METAP1: variants seen among roughly 807,000 people sequenced by gnomAD.
METAP1 encodes methionyl aminopeptidase 1.
In METAP1, 28 loss-of-function variants were observed where a neutral mutation model predicts 53.8. The observed-to-expected ratio is 0.52, with a 90% CI of 0.39 to 0.71. The LOEUF is 0.71. METAP1 is among the 30% of genes least tolerant of loss of function. METAP1 has a pLI of 0.00. For missense variants in METAP1, 389 were observed against 479.8 expected (o/e 0.81, Z 1.77); for synonymous variants, 181 against 165.7 (o/e 1.09, Z -0.71).
intron 1 of METAP1, among the ~76,000 whole-genome samples, chr4:99,025,085 G>C (rs916423099): frequency 1.3e-5 from 2 of 152,332 alleles, no homozygotes; most frequent in South Asian, 2.1e-4. Context: ...CCGGTAATGC[G>C]GTAATAATGC....
Position 99,057,757 on chromosome 4 carries a change from T to C in METAP1, c.936T>C (p.Asn312=), listed in dbSNP as rs770336059. ...TAPNVPHYAK[N]KAVGVMKSGH... Reference sequence around the variant, plus strand: ...GATTTTTTTCTTTGATTTCAGAAAATAAAGCAGTTGGAGTGATGAAGTCGG... The same window carrying C: ...GATTTTTTTCTTTGATTTCAGAAAACAAAGCAGTTGGAGTGATGAAGTCGG... Residue 312 remains asparagine (N), a synonymous_variant, in exon 10 of 11, where the codon AAT becomes AAC. Transcript: ENST00000296411. 1.3e-6 allele frequency: 2 copies of C among 1,585,408 alleles called. No homozygotes were observed. Among genetic ancestry groups the C allele is most frequent in the Non-Finnish European group, 8.6e-7 (1 of 1,164,952 alleles).
At chr4:99,003,365 A>G (rs1309832083) in intron 1 of METAP1, among the ~76,000 whole-genome samples, 23 of 152,210 alleles carry the variant, frequency 1.5e-4, no homozygotes, top group Admixed American at 1.5e-3. Context: ...CTTATCCAGC[A>G]AGTTACAGGC....
chr4:99,051,046 G>A lies in METAP1; in HGVS notation c.931+2170G>A, dbSNP rs540631512. Among the ~76,000 whole-genome samples the A allele has an allele frequency of 3.3e-5, 5 of 152,298 alleles. No individual in the cohort carries two copies. In the South Asian group the frequency reaches 1.0e-3, roughly 32 times the overall value. On this transcript the variant is annotated intron_variant, in intron 9 of 10. Transcript: ENST00000296411. ...ACTTCATTCCTTCCTTTTATACCCT[G>A]TAATCATCTGAATATGCATTCCCTT...
intron 1 of METAP1, among the ~76,000 whole-genome samples, chr4:98,998,378 C>G (rs1722738561): frequency 6.6e-6 from 1 of 152,126 alleles, no homozygotes; most frequent in South Asian, 2.1e-4. Context: ...CAAAAATTAG[C>G]TGGGCGTGGT....
chr4:99,052,597 A>G (rs146465441), intron 9 of METAP1, among the ~76,000 whole-genome samples: 1 of 152,292 alleles, frequency 6.6e-6, no homozygotes, highest in Non-Finnish European at 1.5e-5. Flanking sequence ...AGGTGGTGCT[A>G]AACCATTCAT....
chr4:99,055,252 A>G (rs1727018677), intron 9 of METAP1, among the ~76,000 whole-genome samples: 2 of 152,054 alleles, frequency 1.3e-5, no homozygotes, highest in South Asian at 2.1e-4. Context: ...TTAGCCGGCC[A>G]TGGTGCATGC....
intron 4 of METAP1, chr4:99,039,070 A>G (rs1349990681): frequency 5.1e-6 from 1 of 195,590 alleles, no homozygotes; most frequent in Non-Finnish European, 1.0e-5. Flanking sequence ...TCAAATGTAT[A>G]TCATTTACTG....
intron 1 of METAP1, among the ~76,000 whole-genome samples, chr4:98,996,815 G>A (rs1722656487): frequency 6.6e-6 from 1 of 152,198 alleles, no homozygotes. Context: ...CAGGTTTAGT[G>A]AAGAGAGGCA....
intron 1 of METAP1, chr4:99,026,970 T>A: frequency 2.0e-6 from 1 of 488,864 alleles, no homozygotes; most frequent in Non-Finnish European, 2.7e-6. Context: ...GTCCTTAGTT[T>A]ATTTAATGAG....
In METAP1 at chr4:99,062,424, G is replaced by A. The variant is rs1171631254; in HGVS notation, c.*1107G>A. 6.6e-6 allele frequency: 1 copy of A among 152,616 alleles called. No homozygotes were observed. Among genetic ancestry groups the A allele is most frequent in the African/African-American group, 2.4e-5 (1 of 41,446 alleles). 9.5% of individuals were successfully genotyped at this position (152,616 alleles called of 1,614,324 possible). A position where few individuals can be genotyped will look rare whatever the true frequency, so the allele number is the denominator to read the frequency against. ...GGGAACCTCATTAGAAATGACCTCA[G>A]CTGCCCCATATCTACGTTCCTTTCA... On this transcript the variant is annotated 3_prime_UTR_variant, in exon 11 of 11. Transcript: ENST00000296411.
chr4:99,031,389 T>C (rs1579289223), intron 2 of METAP1: 1 of 1,186,842 alleles, frequency 8.4e-7, no homozygotes, highest in South Asian at 1.4e-5. Flanking sequence ...ATTTGACAAG[T>C]ATCTTGAATA....
At chr4:99,029,979 G>C (rs891431377) in intron 2 of METAP1, among the ~76,000 whole-genome samples, 5 of 152,092 alleles carry the variant, frequency 3.3e-5, no homozygotes, top group Non-Finnish European at 5.9e-5. Context: ...GTTTATCAAC[G>C]CATAAAAGAT....
chr4:99,013,117 T>C (rs942131195), intron 1 of METAP1, among the ~76,000 whole-genome samples: 2 of 152,220 alleles, frequency 1.3e-5, no homozygotes, highest in Non-Finnish European at 2.9e-5. Flanking sequence ...ACACATTGGA[T>C]TGAGAGTATG....
intron 1 of METAP1, among the ~76,000 whole-genome samples, chr4:99,007,642 A>G (rs1053351787): frequency 6.6e-6 from 1 of 151,980 alleles, no homozygotes; most frequent in Non-Finnish European, 1.5e-5. Flanking sequence ...TACCAAGAAG[A>G]TAGAAATGGT....
chr4:99,047,322 G>A (rs942474758), intron 8 of METAP1, among the ~76,000 whole-genome samples: 2 of 152,140 alleles, frequency 1.3e-5, no homozygotes, highest in African/African-American at 4.8e-5. Context: ...ACCACCCTGT[G>A]TTTGACAACC....
chr4:99,012,662 T>C (rs1324556870), intron 1 of METAP1, among the ~76,000 whole-genome samples: 3 of 149,818 alleles, frequency 2.0e-5, no homozygotes, highest in African/African-American at 7.3e-5. Flanking sequence ...GTTTTTTTTT[T>C]TTTTTTTTTT....
chr4:99,036,039 A>G (rs549905334), intron 4 of METAP1: 3 of 154,454 alleles, frequency 1.9e-5, no homozygotes, highest in Non-Finnish European at 2.9e-5. Context: ...CTCCATTTTT[A>G]TAGATAATGA....
chr4:99,056,820 C>T (rs912125332), intron 9 of METAP1, among the ~76,000 whole-genome samples: 6 of 151,786 alleles, frequency 4.0e-5, no homozygotes, highest in Non-Finnish European at 7.4e-5. Context: ...CCACCAACCT[C>T]GGCCTCTCAA....
chr4:99,039,989 A>G (rs1046936994), intron 5 of METAP1, among the ~76,000 whole-genome samples: 3 of 152,184 alleles, frequency 2.0e-5, no homozygotes, highest in African/African-American at 4.8e-5. Flanking sequence ...GGCCTCCCAC[A>G]GTGCTGGGAT....
Sources: gnomAD v4.1 joint callset for allele counts (sites outside exome capture counted in the v4.1 genomes callset) on GRCh38, gnomAD v4.1.1 for gene constraint, MANE v1.5 for transcripts, NCBI Gene and HGNC (gene_info 2026-07-23, HGNC 2026-07-21) for gene names.